Variants in ADGRL2 observed in about 807,000 individuals in gnomAD.
ADGRL2 encodes calcium-independent alpha-latrotoxin receptor 2.
Under a neutral mutation model 157.4 loss-of-function variants are expected in ADGRL2, and 44 were observed. The observed-to-expected ratio is 0.28, with a 90% confidence interval of 0.22 to 0.36. The LOEUF (loss-of-function observed/expected upper bound fraction) is 0.36. Among genes scored for constraint, ADGRL2 ranks in the 10% least tolerant of loss-of-function variants. ADGRL2 has a pLI of 1.00. For missense variants in ADGRL2, 1,510 were observed against 1,768.9 expected (o/e 0.85, Z 2.63); for synonymous variants, 585 against 624.7 (o/e 0.94, Z 0.95).
chr1:81,943,757 G>A lies in ADGRL2; in HGVS notation c.1198G>A (p.Asp400Asn). ...LRYSLEFGPP[D>N]PAQVPTTAVT... is the part of the protein sequence containing the mutation. Reference sequence around the variant, plus strand: ...ATATTCTCTGGAGTTTGGTCCACCTGATCCTGCCCAAGGTAAGCGTGTTTA... The same window carrying A: ...ATATTCTCTGGAGTTTGGTCCACCTAATCCTGCCCAAGGTAAGCGTGTTTA... Residue 400 changes from aspartate to asparagine, a missense_variant, in exon 6 of 24, where the codon GAT becomes AAT. Around this residue, in one of 4 missense-constraint regions of ADGRL2, gnomAD observed 361 missense variants for 498.4 expected, o/e 0.72. Coordinates refer to ENST00000686636, the MANE Select transcript of ADGRL2 (RefSeq NM_001366006.2). This position sits in a 1 kb window ranked among gnomAD's most constrained non-coding sequence, Gnocchi z 5.6. 1.2e-6 allele frequency: 2 copies of A among 1,612,516 alleles called. No individual in the cohort carries two copies. Among genetic ancestry groups the A allele is most frequent in the Non-Finnish European group, 1.7e-6 (2 of 1,178,852 alleles).
chr1:81,397,317 T>C (rs2076672820), intron 1 of ADGRL2, among the ~76,000 whole-genome samples: 1 of 55,596 alleles, frequency 1.8e-5, no homozygotes, highest in South Asian at 1.3e-3. Context: ...TGTCTCCTTT[T>C]TTTTTTTTTT....
intron 2 of ADGRL2, among the ~76,000 whole-genome samples, chr1:81,856,035 AG>A (rs1376320126): frequency 6.6e-6 from 1 of 152,128 alleles, no homozygotes; most frequent in Non-Finnish European, 1.5e-5. Context: ...GCAGGCATCC[AG>A]GGGAGGTCAT....
At chr1:81,764,662 C>T (rs2086048976) in intron 2 of ADGRL2, among the ~76,000 whole-genome samples, 1 of 152,052 alleles carries the variant, frequency 6.6e-6, no homozygotes. Context: ...CAGCTATTCA[C>T]CAACAGTAAG....
At chr1:81,795,276 A>G (rs1360620897) in intron 2 of ADGRL2, among the ~76,000 whole-genome samples, 1 of 152,098 alleles carries the variant, frequency 6.6e-6, no homozygotes, top group East Asian at 1.9e-4. Flanking sequence ...GCTACTTGGG[A>G]GACTGAGGTG....
At chr1:81,501,519 G>C (rs143410337) in intron 2 of ADGRL2, among the ~76,000 whole-genome samples, 11 of 152,320 alleles carry the variant, frequency 7.2e-5, no homozygotes, top group African/African-American at 2.4e-4. Context: ...TTTATATCTT[G>C]GTTCACTCAT....
At chr1:81,722,892 T>C (rs2084382238) in intron 1 of ADGRL2, 2 of 724,812 alleles carry the variant, frequency 2.8e-6, no homozygotes, top group Non-Finnish European at 5.0e-6. Context: ...ATGGCCAGAA[T>C]GCCTGGACTC....
intron 3 of ADGRL2, among the ~76,000 whole-genome samples, chr1:81,606,499 AC>A (rs2081434522): frequency 8.8e-6 from 1 of 114,016 alleles, no homozygotes; most frequent in Non-Finnish European, 2.2e-5. Context: ...ATGCACATGC[AC>A]ACACACACAC....
intron 1 of ADGRL2, among the ~76,000 whole-genome samples, chr1:81,388,702 A>T (rs1302394545): frequency 6.6e-6 from 1 of 152,138 alleles, no homozygotes; most frequent in Non-Finnish European, 1.5e-5. Context: ...CTCACATCGG[A>T]TCTGCGGGTA....
chr1:81,793,692 G>A (rs960050659), intron 2 of ADGRL2, among the ~76,000 whole-genome samples: 10 of 151,762 alleles, frequency 6.6e-5, no homozygotes, highest in African/African-American at 2.2e-4. Flanking sequence ...CCTCCTGTAC[G>A]GAAATAGTCA....
intron 1 of ADGRL2, among the ~76,000 whole-genome samples, chr1:81,735,798 A>G (rs962756039): frequency 5.3e-5 from 8 of 151,734 alleles, no homozygotes; most frequent in African/African-American, 1.9e-4. Context: ...TCAAAAAAAA[A>G]AAGGTGTAAG....
At chr1:81,718,843 T>A (rs1299719829) in intron 1 of ADGRL2, among the ~76,000 whole-genome samples, 1 of 152,130 alleles carries the variant, frequency 6.6e-6, no homozygotes, top group African/African-American at 2.4e-5. Flanking sequence ...TCTTGCTGAG[T>A]TTACATGAGA....
intron 1 of ADGRL2, among the ~76,000 whole-genome samples, chr1:81,425,085 T>C (rs1352521783): frequency 6.6e-6 from 1 of 152,180 alleles, no homozygotes; most frequent in Non-Finnish European, 1.5e-5. Context: ...CTAAATCCCC[T>C]AGCTCCATTC....
At chr1:81,348,628 G>A (rs1278310569) in intron 1 of ADGRL2, among the ~76,000 whole-genome samples, 5 of 152,000 alleles carry the variant, frequency 3.3e-5, no homozygotes, top group Non-Finnish European at 7.4e-5. Flanking sequence ...ACAAAACCAA[G>A]AATAAATAGC....
chr1:81,934,716 G>A (rs758670264), intron 3 of ADGRL2, among the ~76,000 whole-genome samples: 1 of 151,848 alleles, frequency 6.6e-6, no homozygotes, highest in Non-Finnish European at 1.5e-5. Context: ...AGGAGTTTTT[G>A]TAATCATATT....
intron 2 of ADGRL2, among the ~76,000 whole-genome samples, chr1:81,542,052 G>C (rs2079898631): frequency 6.6e-6 from 1 of 152,156 alleles, no homozygotes; most frequent in African/African-American, 2.4e-5. Context: ...CGATGAAAAG[G>C]GCTATAGTTT....
chr1:81,628,648 C>T (rs760838013), intron 3 of ADGRL2, among the ~76,000 whole-genome samples: 1 of 152,114 alleles, frequency 6.6e-6, no homozygotes, highest in Non-Finnish European at 1.5e-5. Context: ...GAAAGTGATG[C>T]TGAAGAGAAT....
At chr1:81,456,597 C>T (rs1456998828) in intron 2 of ADGRL2, among the ~76,000 whole-genome samples, 2 of 151,916 alleles carry the variant, frequency 1.3e-5, no homozygotes, top group Non-Finnish European at 2.9e-5. Context: ...AGAACTTAGT[C>T]ATGTATTTGG....
chr1:81,897,215 A>G (rs1289886734), intron 2 of ADGRL2, among the ~76,000 whole-genome samples: 7 of 152,186 alleles, frequency 4.6e-5, no homozygotes, highest in Non-Finnish European at 1.0e-4. Flanking sequence ...TGAGTGGAAC[A>G]TCCTGTGCGG....
In ADGRL2 at chr1:81,388,856, A is replaced by G. The variant is rs543535610; in HGVS notation, c.-301-56180A>G. 6.6e-5 allele frequency among the ~76,000 whole-genome samples: 10 copies of G among 152,290 alleles called. No individual in the cohort carries two copies. In the East Asian group the frequency reaches 1.7e-3, roughly 26 times the overall value. On this transcript the variant is annotated intron_variant, in intron 1 of 24. Coordinates refer to the ADGRL2 transcript ENST00000370721. Reference sequence around the variant, plus strand: ...ATCCTCTGTAAGCAGAGGATAGAAGAGTAGAGATATGCTTATTACTGATTC... The same window carrying G: ...ATCCTCTGTAAGCAGAGGATAGAAGGGTAGAGATATGCTTATTACTGATTC...
Sources: gnomAD v4.1 joint callset for allele counts (sites outside exome capture counted in the v4.1 genomes callset) on GRCh38, gnomAD v4.1.1 for gene constraint, gnomAD v4.1.1 regional missense constraint, Gnocchi (gnomAD v3.1) non-coding constraint, MANE v1.5 for transcripts, NCBI Gene and HGNC (gene_info 2026-07-23, HGNC 2026-07-21) for gene names.